The following ANXA2 variants were observed in gnomAD, a reference collection of about 807,000 sequenced individuals.
ANXA2 encodes annexin II.
A neutral mutation model predicts 47.3 loss-of-function variants in ANXA2; 28 were observed. The ratio of observed to expected loss-of-function variants is 0.59; its 90% confidence interval spans 0.44 to 0.81. The LOEUF (loss-of-function observed/expected upper bound fraction) is 0.81, where lower values mean the gene tolerates loss of function less well. Among genes scored for constraint, ANXA2 ranks in the 40% least tolerant of loss-of-function variants. ANXA2 has a pLI of 0.00. For missense variants in ANXA2, 384 were observed against 414.3 expected (o/e 0.93, Z 0.64); for synonymous variants, 172 against 155.5 (o/e 1.11, Z -0.79).
rs181895514 is a variant in ANXA2, at chr15:60,348,571, T to C, written c.960+504A>G. 6.0e-3 allele frequency among the ~76,000 whole-genome samples: 913 copies of C among 152,046 alleles called. 12 individuals carry two copies. Among genetic ancestry groups the C allele is most frequent in the African/African-American group, 0.021 (883 of 41,476 alleles). On this transcript the variant is annotated intron_variant, in intron 12 of 12. Coordinates refer to ENST00000451270, the MANE Select transcript of ANXA2 (RefSeq NM_004039.3). ...CATCCTGGCTAACACGGTGAAACCC[T>C]GTCTCTACTAAAAATACAAAAAAAT...
chr15:60,385,602 A>C (rs1200950516), intron 2 of ANXA2: 1 of 153,670 alleles, frequency 6.5e-6, no homozygotes, highest in Non-Finnish European at 1.4e-5. Flanking sequence ...TAAAAGTATA[A>C]GTCTTCATCT....
chr15:60,394,865 C>A (rs1422523642), intron 1 of ANXA2, among the ~76,000 whole-genome samples: 1 of 151,924 alleles, frequency 6.6e-6, no homozygotes, highest in Non-Finnish European at 1.5e-5. Context: ...CTGGCAACAG[C>A]AGAAGAAAAA....
intron 3 of ANXA2, among the ~76,000 whole-genome samples, chr15:60,373,178 G>C (rs534680524): frequency 7.9e-5 from 12 of 152,326 alleles, no homozygotes; most frequent in Non-Finnish European, 1.6e-4. Flanking sequence ...GTGTCAACAC[G>C]TGTAGAGAAC....
chr15:60,365,255 G>A (rs1021365920), intron 3 of ANXA2, among the ~76,000 whole-genome samples: 1 of 151,874 alleles, frequency 6.6e-6, no homozygotes, highest in African/African-American at 2.4e-5. Context: ...AAATATTTTA[G>A]TACCTATTTT....
chr15:60,367,305 G>C (rs1402926446), intron 3 of ANXA2, among the ~76,000 whole-genome samples: 2 of 119,168 alleles, frequency 1.7e-5, no homozygotes, highest in African/African-American at 3.3e-5. Flanking sequence ...CGCCCCGTCC[G>C]GGAGGTGAGG....
In ANXA2 at chr15:60,352,450, C is replaced by T; in HGVS notation, c.615G>A (p.Arg205=). The change falls in exon 9 of 13, where the codon AGG becomes AGA. Residue 205 remains arginine, a synonymous_variant. Transcript: ENST00000451270. This position sits in a 1 kb window ranked among gnomAD's most constrained non-coding sequence, Gnocchi z 4.2. The part of the protein sequence containing the change: ...ARDLYDAGVK[R]KGTDVPKWIS... The stretch of plus-strand genomic sequence containing the variant: ...TCCACTTGGGAACATCAGTTCCTTT[C>T]CTCTTCACTCCAGCGTCATAGAGAT... 6.2e-7 allele frequency: 1 copy of T among 1,613,722 alleles called. No homozygotes were observed. Among genetic ancestry groups the T allele is most frequent in the South Asian group, 1.1e-5 (1 of 91,040 alleles).
At chr15:60,363,013 G>C (rs1416263872) in intron 4 of ANXA2, 2 of 117,702 alleles carry the variant, frequency 1.7e-5, no homozygotes, top group African/African-American at 6.5e-5. Context: ...CTGGGTGACA[G>C]AGCAAGACCC....
chr15:60,363,391 C>G (rs2062546679), intron 4 of ANXA2, among the ~76,000 whole-genome samples: 1 of 152,190 alleles, frequency 6.6e-6, no homozygotes, highest in South Asian at 2.1e-4. Flanking sequence ...ACCTGCAACT[C>G]CCAGGACCCT....
intron 1 of ANXA2, among the ~76,000 whole-genome samples, chr15:60,388,374 C>T (rs2062961146): frequency 6.6e-6 from 1 of 152,052 alleles, no homozygotes; most frequent in African/African-American, 2.4e-5. Flanking sequence ...TAAAATTTCT[C>T]ATTTATAATT....
At position 60,352,231 on chromosome 15, in the gene ANXA2, G is replaced by C; in HGVS notation, c.682+152C>G. 1.7e-6 allele frequency: 1 copy of C among 580,462 alleles called. No homozygotes were observed. The highest frequency in any genetic ancestry group is 3.1e-6 in the Non-Finnish European group (1 of 324,796). 36.0% of individuals were successfully genotyped at this position (580,462 alleles called of 1,614,324 possible). A position where few individuals can be genotyped will look rare whatever the true frequency, so the allele number is the denominator to read the frequency against. Reference sequence around the variant, plus strand: ...TTGCAAGAGAAAAGAATCCAGAATGGGAGAGAAAGGTGAGGGAAAATGGGT... The same window carrying C: ...TTGCAAGAGAAAAGAATCCAGAATGCGAGAGAAAGGTGAGGGAAAATGGGT... On this transcript the variant is annotated intron_variant, in intron 9 of 12. Coordinates refer to ENST00000451270, the MANE Select transcript of ANXA2 (RefSeq NM_004039.3). This position sits in a 1 kb window ranked among gnomAD's most constrained non-coding sequence, Gnocchi z 4.2.
intron 3 of ANXA2, 147 bp downstream of exon 3, chr15:60,382,195 A>G (rs1230359626): frequency 3.5e-6 from 2 of 573,646 alleles, no homozygotes; most frequent in Admixed American, 5.6e-5. Context: ...GAAAGGAGGC[A>G]TGGGTTGAGC....
At chr15:60,363,425 C>A (rs1398497491) in intron 4 of ANXA2, among the ~76,000 whole-genome samples, 1 of 152,164 alleles carries the variant, frequency 6.6e-6, no homozygotes, top group East Asian at 1.9e-4. Flanking sequence ...ATCCCAAGGG[C>A]AGAAATATCT....
intron 1 of ANXA2, chr15:60,397,218 A>G: frequency 1.1e-6 from 1 of 948,434 alleles, no homozygotes; most frequent in Non-Finnish European, 1.3e-6. Flanking sequence ...CATGGCGAGT[A>G]ACAGGACAAC....
chr15:60,394,274 C>G (rs1249852994), intron 1 of ANXA2, among the ~76,000 whole-genome samples: 1 of 152,080 alleles, frequency 6.6e-6, no homozygotes, highest in Non-Finnish European at 1.5e-5. Context: ...GGCAGGGAGA[C>G]AAAGGACATG....
intron 7 of ANXA2, chr15:60,355,695 C>T (rs2062418017): frequency 1.7e-6 from 1 of 599,180 alleles, no homozygotes; most frequent in Admixed American, 2.4e-5. Context: ...CCCATCCCTT[C>T]TCTGGCTCCC....
intron 11 of ANXA2, among the ~76,000 whole-genome samples, chr15:60,350,643 G>C: frequency 6.6e-6 from 1 of 152,154 alleles, no homozygotes; most frequent in East Asian, 1.9e-4. Context: ...TCTACGGGAA[G>C]AGGTGGTTCG....
intron 1 of ANXA2, chr15:60,393,509 A>G (rs2063041536): frequency 5.0e-6 from 5 of 990,834 alleles, no homozygotes; most frequent in Non-Finnish European, 6.0e-6. Context: ...CTTTCCTTAA[A>G]TATCTTCTAT....
At chr15:60,348,391 G>A (rs1351826490) in intron 12 of ANXA2, among the ~76,000 whole-genome samples, 2 of 152,184 alleles carry the variant, frequency 1.3e-5, no homozygotes, top group Non-Finnish European at 2.9e-5. Flanking sequence ...TGGGAGTTCT[G>A]AATAACTGAA....
intron 6 of ANXA2, among the ~76,000 whole-genome samples, 153 bp downstream of exon 6, chr15:60,356,993 G>C (rs2062440425): frequency 6.6e-6 from 1 of 152,278 alleles, no homozygotes; most frequent in East Asian, 1.9e-4. Context: ...GAGAAACTTG[G>C]ACCACAGCCA....
Sources: allele counts gnomAD v4.1 joint callset (sites outside exome capture counted in the v4.1 genomes callset), GRCh38; gene constraint gnomAD v4.1.1; non-coding constraint Gnocchi (gnomAD v3.1); transcripts MANE v1.5; gene names NCBI Gene and HGNC (gene_info 2026-07-23, HGNC 2026-07-21).